HYKK: variants seen among roughly 807,000 people sequenced by gnomAD.
HYKK encodes hydroxylysine kinase.
A neutral mutation model predicts 29.7 loss-of-function variants in HYKK; 19 were observed. The observed-to-expected ratio is 0.64, with a 90% CI of 0.45 to 0.94. The LOEUF is 0.94. Among genes scored for constraint, HYKK ranks in the 40% least tolerant of loss-of-function variants. HYKK has a pLI of 0.00. For synonymous variants in HYKK, 152 were observed against 158.1 expected, an observed-to-expected ratio of 0.96 and a Z score of 0.29; for missense variants, 390 against 443.4, an observed-to-expected ratio of 0.88 and a Z score of 1.08.
chr15:78,516,007 C>G (rs531281463), intron 3 of HYKK, among the ~76,000 whole-genome samples: 1 of 152,118 alleles, frequency 6.6e-6, no homozygotes, highest in African/African-American at 2.4e-5. Flanking sequence ...TCAATATTCA[C>G]AAATAGAAAC....
At chr15:78,537,088 C>T (rs2052369276), downstream of HYKK, among the ~76,000 whole-genome samples, 1 of 152,112 alleles carries the variant, frequency 6.6e-6, no homozygotes, top group South Asian at 2.1e-4. Flanking sequence ...GGTTCTCAAG[C>T]CTTTAGACTC....
chr15:78,513,424 A>G lies in HYKK; in HGVS notation c.336A>G (p.Val112=). 5 of 1,606,744 alleles carry G rather than the reference A, an allele frequency of 3.1e-6. No individual in the cohort carries two copies. Among genetic ancestry groups the G allele is most frequent in the Non-Finnish European group, 4.3e-6 (5 of 1,176,346 alleles). Residue 112 remains valine, a splice_region_variant and synonymous_variant, in exon 2 of 5, where the codon GTA becomes GTG. Transcript: ENST00000388988. ...ACAACACAGCTTCTCTCGTGTCTGTAGGTAAGAGATGACCAATTCGCCGAT... is the reference window on the plus strand; with the variant it reads ...ACAACACAGCTTCTCTCGTGTCTGTGGGTAAGAGATGACCAATTCGCCGAT... ...KGDNTASLVS[V]DSGSEIKSYL...
Position 78,513,431 on chromosome 15 carries a change from A to G in HYKK, c.337+6A>G, listed in dbSNP as rs747598056. 1.2e-6 allele frequency: 2 copies of G among 1,600,202 alleles called. No homozygotes were observed. The highest frequency in any genetic ancestry group is 1.7e-6 in the Non-Finnish European group (2 of 1,171,602). On this transcript the variant is annotated splice_donor_region_variant and intron_variant, in intron 2 of 4. Transcript: ENST00000388988. ...AGCTTCTCTCGTGTCTGTAGGTAAG[A>G]GATGACCAATTCGCCGATCCATTAC...
chr15:78,521,831 T>TC (rs1284584690), intron 3 of HYKK, among the ~76,000 whole-genome samples: 1 of 152,108 alleles, frequency 6.6e-6, no homozygotes, highest in Admixed American at 6.6e-5. Flanking sequence ...CCAGGATTCT[T>TC]CCCAGTACCC....
chr15:78,520,846 G>A (rs2052186690), intron 3 of HYKK, among the ~76,000 whole-genome samples: 1 of 151,870 alleles, frequency 6.6e-6, no homozygotes, highest in Non-Finnish European at 1.5e-5. Flanking sequence ...CTCCCGGACG[G>A]GGCAGCTGGC....
Position 78,520,805 on chromosome 15 carries a change from G to T in HYKK, c.477+5698G>T, listed in dbSNP as rs548090068. Reference sequence around the variant, plus strand: ...GGGCAGAGGGGCTCCTCACTTCCCAGTAGGGGCGGCCGGGCAGAGGCGCCC... The same window carrying T: ...GGGCAGAGGGGCTCCTCACTTCCCATTAGGGGCGGCCGGGCAGAGGCGCCC... On this transcript the variant is annotated intron_variant, in intron 3 of 4. Coordinates refer to ENST00000388988, the MANE Select transcript of HYKK (RefSeq NM_001013619.4). 4.6e-5 allele frequency among the ~76,000 whole-genome samples: 7 copies of T among 152,176 alleles called. No homozygotes were observed. In the South Asian group the frequency reaches 1.5e-3, roughly 32 times the overall value.
chr15:78,512,956 G>A (rs1264553237), intron 1 of HYKK, 128 bp from the exon 2 acceptor site: 7 of 612,362 alleles, frequency 1.1e-5, no homozygotes, highest in Non-Finnish European at 1.7e-5. Context: ...AACTTTATGA[G>A]TAAAACTTAA....
In HYKK at chr15:78,535,333, A is replaced by G. The variant is rs1036547430; in HGVS notation, c.*1663A>G. 3.7e-5 allele frequency: 5 copies of G among 133,874 alleles called. No homozygotes were observed. Among genetic ancestry groups the G allele is most frequent in the Non-Finnish European group, 7.7e-5 (5 of 65,078 alleles). 8.3% of individuals were successfully genotyped at this position (133,874 alleles called of 1,614,324 possible). On this transcript the variant is annotated 3_prime_UTR_variant, in exon 5 of 5. Transcript: ENST00000388988. ...GGTGGGGCGGCAGGGACAGGGTTTC[A>G]CTGCAGCCTCAACCTCCTAGGCTCA... is the stretch of plus-strand genomic sequence containing the variant.
chr15:78,531,274 G>A (rs139505204), intron 4 of HYKK, among the ~76,000 whole-genome samples: 1 of 152,176 alleles, frequency 6.6e-6, no homozygotes, highest in Admixed American at 6.5e-5. Context: ...TTTATCATGT[G>A]GTATTTGGTA....
intron 3 of HYKK, among the ~76,000 whole-genome samples, chr15:78,520,756 C>T (rs1222552239): frequency 6.6e-6 from 1 of 152,218 alleles, no homozygotes; most frequent in Non-Finnish European, 1.5e-5. Flanking sequence ...CTGTTGGGTA[C>T]ACCTCCCAGA....
intron 3 of HYKK, among the ~76,000 whole-genome samples, chr15:78,524,637 C>T (rs544321659): frequency 6.6e-6 from 1 of 152,208 alleles, no homozygotes; most frequent in South Asian, 2.1e-4. Context: ...GGTAAAACCC[C>T]GTCTCTATTA....
At chr15:78,516,343 CTTT>C (rs575124681) in intron 3 of HYKK, among the ~76,000 whole-genome samples, 11 of 115,942 alleles carry the variant, frequency 9.5e-5, no homozygotes, top group Admixed American at 9.6e-5. Context: ...AAGGGTTGGT[CTTT>C]TTTTTTTTTT....
At chr15:78,526,738 C>T (rs2052257878) in intron 3 of HYKK, among the ~76,000 whole-genome samples, 1 of 152,174 alleles carries the variant, frequency 6.6e-6, no homozygotes, top group Admixed American at 6.5e-5. Context: ...GCAATAATGC[C>T]TATCTTTACA....
chr15:78,517,482 G>A (rs1298552392), intron 3 of HYKK, among the ~76,000 whole-genome samples: 1 of 151,972 alleles, frequency 6.6e-6, no homozygotes, highest in East Asian at 1.9e-4. Context: ...TGGAGACTGA[G>A]GCAGGAGAAT....
chr15:78,522,418 G>A (rs937948543), intron 3 of HYKK, among the ~76,000 whole-genome samples: 1 of 151,386 alleles, frequency 6.6e-6, no homozygotes, highest in Admixed American at 6.6e-5. Flanking sequence ...AATTAGCTGG[G>A]TGTGGTGGTG....
chr15:78,527,136 A>G (rs117131212), intron 3 of HYKK, among the ~76,000 whole-genome samples: 4,913 of 151,478 alleles, frequency 0.032, 115 homozygotes, highest in Non-Finnish European at 0.049. Flanking sequence ...AAAAAAAAAA[A>G]TTAACCAAGC....
At position 78,514,715 on chromosome 15, in the gene HYKK, A is replaced by G. The variant is rs193231846; in HGVS notation, c.338-253A>G. Among the ~76,000 whole-genome samples the G allele has an allele frequency of 1.6e-4, 25 of 152,220 alleles. No individual in the cohort carries two copies. In the East Asian group the frequency reaches 4.0e-3, roughly 25 times the overall value. On this transcript the variant is annotated intron_variant, in intron 2 of 4. Coordinates refer to ENST00000388988, the MANE Select transcript of HYKK (RefSeq NM_001013619.4). ...GTTGGTATGTAAATGGCCAGTTCCA[A>G]TGTTGTTAAGGTTTGTATATTCTAC...
chr15:78,522,921 G>A (rs1278307032), intron 3 of HYKK, among the ~76,000 whole-genome samples: 6 of 152,000 alleles, frequency 3.9e-5, no homozygotes, highest in East Asian at 1.9e-4. Flanking sequence ...AAAGGACTCC[G>A]AGGGAGCAGG....
At chr15:78,510,390 G>A (rs2052062423) in intron 1 of HYKK, among the ~76,000 whole-genome samples, 3 of 151,738 alleles carry the variant, frequency 2.0e-5, no homozygotes, top group Admixed American at 1.3e-4. Context: ...GTAGAGATGG[G>A]GTTTCGCCAT....
Sources: allele counts gnomAD v4.1 joint callset (sites outside exome capture counted in the v4.1 genomes callset), GRCh38; gene constraint gnomAD v4.1.1; transcripts MANE v1.5; gene names NCBI Gene and HGNC (gene_info 2026-07-23, HGNC 2026-07-21).